Variants in PHLPP2 observed in about 807,000 individuals in gnomAD.
PHLPP2 encodes the protein PH domain leucine-rich repeat-containing protein phosphatase 2.
Under a neutral mutation model 124.9 loss-of-function variants are expected in PHLPP2, and 66 were observed. That is an observed-to-expected ratio of 0.53 (90% confidence interval 0.43 to 0.65). The LOEUF (loss-of-function observed/expected upper bound fraction) is 0.65, where lower values mean the gene tolerates loss of function less well. Ranked by LOEUF, PHLPP2 falls within the 30% of genes least tolerant of loss-of-function variation. The pLI is 0.00. For synonymous variants in PHLPP2, 681 were observed against 624.7 expected (o/e 1.09, Z -1.34); for missense variants, 1,685 against 1,600.4 (o/e 1.05, Z -0.90).
intron 12 of PHLPP2, among the ~76,000 whole-genome samples, chr16:71,665,651 A>AC (rs2145320371): frequency 6.6e-6 from 1 of 152,326 alleles, no homozygotes; most frequent in Admixed American, 6.5e-5. Flanking sequence ...GTCTCAACAA[A>AC]GCTCTTTCCA....
At chr16:71,654,984 T>C (rs1024919845) in intron 17 of PHLPP2, 13 of 434,506 alleles carry the variant, frequency 3.0e-5, no homozygotes, top group Non-Finnish European at 4.2e-5. Flanking sequence ...ACACAACATT[T>C]TGCACATAAA....
rs2044664867 is a variant in PHLPP2 at position 71,647,897 on chromosome 16, A to C, written c.*993T>G. 6.6e-6 allele frequency: 1 copy of C among 152,596 alleles called. No individual in the cohort carries two copies. Among genetic ancestry groups the C allele is most frequent in the Non-Finnish European group, 1.5e-5 (1 of 68,054 alleles). The allele number at this position is 152,596 out of a possible 1,614,324, so 9.5% of individuals were successfully genotyped here. A position where few individuals can be genotyped will look rare whatever the true frequency, so the allele number is the denominator to read the frequency against. On this transcript the variant is annotated 3_prime_UTR_variant, in exon 19 of 19. Transcript: ENST00000568954. The stretch of plus-strand genomic sequence containing the variant: ...TCACAGGGCCCTTCCTATACCCTCG[A>C]ATAAGTCTCCAACACCCAGTTCTCT...
intron 9 of PHLPP2, among the ~76,000 whole-genome samples, chr16:71,673,876 C>T (rs1234095295): frequency 6.6e-6 from 1 of 152,150 alleles, no homozygotes; most frequent in East Asian, 1.9e-4. Flanking sequence ...AGTTTTAACA[C>T]TCTTCTGACC....
At chr16:71,698,566 G>A in intron 3 of PHLPP2, 1 of 646,928 alleles carries the variant, frequency 1.5e-6, no homozygotes, top group Non-Finnish European at 2.9e-6. Flanking sequence ...CCATCTGAAA[G>A]GCCTGTCTCT....
intron 18 of PHLPP2, 32 bp from the exon 19 acceptor site, chr16:71,650,076 A>G: frequency 6.4e-7 from 1 of 1,554,432 alleles, no homozygotes; most frequent in Non-Finnish European, 8.8e-7. Context: ...ATTCTGAGAA[A>G]CAAGCAACGA....
In PHLPP2 at chr16:71,674,192, C is replaced by G. The variant is rs142184128; in HGVS notation, c.1472-1870G>C. Among the ~76,000 whole-genome samples the G allele has an allele frequency of 2.6e-4, 40 of 151,996 alleles. No individual in the cohort carries two copies. In the East Asian group the frequency reaches 6.0e-3, roughly 23 times the overall value. ...TCCGGGGTTCAAGCAATTCTCCTGC[C>G]TTAGCCTCCCGAATAGCTGGGATTA... On this transcript the variant is annotated intron_variant, in intron 9 of 18. Coordinates refer to ENST00000568954, the MANE Select transcript of PHLPP2 (RefSeq NM_015020.3).
chr16:71,660,727 T>C (rs1241158271), intron 13 of PHLPP2, among the ~76,000 whole-genome samples: 3 of 152,098 alleles, frequency 2.0e-5, no homozygotes, highest in Non-Finnish European at 2.9e-5. Flanking sequence ...TATGATTTTA[T>C]TTAACAATAT....
chr16:71,676,618 T>A lies in PHLPP2; in HGVS notation c.1300A>T (p.Asn434Tyr), dbSNP rs751325861. Residue 434 changes from asparagine to tyrosine, a missense_variant, in exon 9 of 19, where the codon AAT becomes TAT. Coordinates refer to ENST00000568954, the MANE Select transcript of PHLPP2 (RefSeq NM_015020.3). ...GTGATGTGTTTATTTCCCTCCAGAT[T>A]TTCAATAACCATGGTTTTCAAATGG... ...MNHLKTMVIE[N>Y]LEGNKHITHV... is the part of the protein sequence containing the mutation. 1 of 1,613,832 alleles carries A rather than the reference T, an allele frequency of 6.2e-7. No homozygotes were observed. Among genetic ancestry groups the A allele is most frequent in the Non-Finnish European group, 8.5e-7 (1 of 1,179,690 alleles).
chr16:71,658,649 G>A lies in PHLPP2; in HGVS notation c.2148+4C>T. ...AAGGACATCATTCCAGCACACAGAA[G>A]TACCTGGATCTGAGGCAACTGCAGT... On this transcript the variant is annotated splice_donor_region_variant and intron_variant, in intron 14 of 18. Coordinates refer to ENST00000568954, the MANE Select transcript of PHLPP2 (RefSeq NM_015020.3). 1 of 1,613,190 alleles carries A rather than the reference G, an allele frequency of 6.2e-7. No homozygotes were observed. Among genetic ancestry groups the A allele is most frequent in the South Asian group, 1.1e-5 (1 of 90,964 alleles).
chr16:71,683,360 AGGAATAAT>A (rs1261612981), intron 5 of PHLPP2, among the ~76,000 whole-genome samples: 3 of 152,216 alleles, frequency 2.0e-5, no homozygotes, highest in Admixed American at 2.0e-4. Flanking sequence ...CTTGGCATAT[AGGAATAAT>A]GGTTTGTGGC....
intron 6 of PHLPP2, among the ~76,000 whole-genome samples, chr16:71,680,793 T>A (rs928876138): frequency 1.5e-4 from 23 of 152,256 alleles, no homozygotes; most frequent in African/African-American, 5.5e-4. Context: ...GTGCTTTAAA[T>A]TCAGAATTTA....
intron 8 of PHLPP2, 80 bp from the exon 9 acceptor site, chr16:71,676,729 A>G: frequency 9.6e-7 from 1 of 1,041,154 alleles, no homozygotes; most frequent in Non-Finnish European, 1.5e-6. Context: ...AAAAAATAGG[A>G]CAGGTATGAT....
intron 13 of PHLPP2, 60 bp from the exon 14 acceptor site, chr16:71,658,875 G>T: frequency 1.3e-6 from 2 of 1,501,570 alleles, no homozygotes; most frequent in Non-Finnish European, 1.8e-6. Context: ...CCAAGGAAGT[G>T]CTATTCTACA....
chr16:71,703,651 C>T (rs564067951), intron 2 of PHLPP2, among the ~76,000 whole-genome samples: 1 of 152,156 alleles, frequency 6.6e-6, no homozygotes, highest in African/African-American at 2.4e-5. Flanking sequence ...CAGTCAACTG[C>T]CTGGGTTCAA....
Position 71,648,937 on chromosome 16 carries a change from C to T in PHLPP2, c.3925G>A (p.Glu1309Lys), listed in dbSNP as rs1232825977. Residue 1309 changes from glutamate to lysine, a missense_variant, in exon 19 of 19, where the codon GAA becomes AAA. By Grantham distance (56) the Glu-to-Lys change is moderately conservative. Transcript: ENST00000568954. ...TCCGGGGGCTCGGTCCGATCCTCTT[C>T]ATGGGGCTCAGGCTCGAGCCGGCTG... ...QDSRLEPEPH[E>K]EDRTEPPEEF... The T allele has an allele frequency of 6.2e-7, 1 of 1,613,524 alleles. No homozygotes were observed. The highest frequency in any genetic ancestry group is 1.1e-5 in the South Asian group (1 of 91,044).
rs2044744031 is a variant in PHLPP2, at chr16:71,656,613, A to G, written c.2348T>C (p.Phe783Ser). The change falls in exon 16 of 19, where the codon TTC becomes TCC. Residue 783 changes from phenylalanine to serine, a missense_variant. Physicochemically the swap from Phe to Ser is radical, Grantham distance 155. Coordinates refer to ENST00000568954, the MANE Select transcript of PHLPP2 (RefSeq NM_015020.3). ...PTTDSTVTST[F>S]WSHGLAEMAG... ...CATCTCAGCCAGTCCATGGCTCCAGAAGGTTGACGTAACTGTAGAATCTGT... is the reference window on the plus strand; with the variant it reads ...CATCTCAGCCAGTCCATGGCTCCAGGAGGTTGACGTAACTGTAGAATCTGT... The G allele has an allele frequency of 3.7e-6, 6 of 1,613,636 alleles. No homozygotes were observed. The highest frequency in any genetic ancestry group is 5.1e-6 in the Non-Finnish European group (6 of 1,179,552).
Position 71,649,102 on chromosome 16 carries a change from G to A in PHLPP2, c.3760C>T (p.Leu1254Phe), listed in dbSNP as rs1244892521. 2 of 1,613,990 alleles carry A rather than the reference G, an allele frequency of 1.2e-6. No homozygotes were observed. The highest frequency in any genetic ancestry group is 2.7e-5 in the African/African-American group (2 of 74,904). The change falls in exon 19 of 19, where the codon CTC (leucine) becomes TTC (phenylalanine). Residue 1254 changes from leucine to phenylalanine, a missense_variant. Physicochemically the swap from Leu to Phe is conservative, Grantham distance 22. Coordinates refer to ENST00000568954, the MANE Select transcript of PHLPP2 (RefSeq NM_015020.3). Reference sequence around the variant, plus strand: ...GGCACTTCTGTGGCCACTTCAATGAGGTTCAGGCTGTCCTCTAGGGGCACA... The same window carrying A: ...GGCACTTCTGTGGCCACTTCAATGAAGTTCAGGCTGTCCTCTAGGGGCACA... Reference protein sequence around the residue: ...SIVPLEDSLNLIEVATEVPKR... With the variant: ...SIVPLEDSLNFIEVATEVPKR...
Position 71,668,524 on chromosome 16 carries a change from G to A in PHLPP2, c.1628+751C>T, listed in dbSNP as rs550588093. ...CGCCTGTAATCTCAACACTTTGGGAGGCTGAGATGGGCCCATTGCTTGAGC... is the reference window on the plus strand; with the variant it reads ...CGCCTGTAATCTCAACACTTTGGGAAGCTGAGATGGGCCCATTGCTTGAGC... On this transcript the variant is annotated intron_variant, in intron 11 of 18. Transcript: ENST00000568954. 1.1e-4 allele frequency among the ~76,000 whole-genome samples: 16 copies of A among 152,066 alleles called. No individual in the cohort carries two copies. In the East Asian group the frequency reaches 3.1e-3, roughly 29 times the overall value.
At chr16:71,654,362 C>T (rs190921927) in intron 17 of PHLPP2, among the ~76,000 whole-genome samples, 1 of 152,254 alleles carries the variant, frequency 6.6e-6, no homozygotes, top group African/African-American at 2.4e-5. Flanking sequence ...TACAGATGTC[C>T]TCAACTTATG....
Sources: allele counts gnomAD v4.1 joint callset (sites outside exome capture counted in the v4.1 genomes callset), GRCh38; gene constraint gnomAD v4.1.1; transcripts MANE v1.5; gene names NCBI Gene and HGNC (gene_info 2026-07-23, HGNC 2026-07-21).